Variants in CEP78 observed in about 807,000 individuals in gnomAD.
The protein encoded by CEP78 is centrosomal protein of 78 kDa.
In CEP78, 76 loss-of-function variants were observed where a neutral mutation model predicts 81.2. The ratio of observed to expected loss-of-function variants is 0.94; its 90% confidence interval spans 0.78 to 1.13. The LOEUF (loss-of-function observed/expected upper bound fraction) is 1.13. Among genes scored for constraint, CEP78 ranks in the 50% most tolerant of loss-of-function variants. The probability of loss-of-function intolerance (pLI) is 0.00; values close to 1 mark genes in which losing one functional copy is unlikely to be tolerated. For synonymous variants in CEP78, 293 were observed against 301.4 expected, an observed-to-expected ratio of 0.97 and a Z score of 0.29; for missense variants, 918 against 846.8, an observed-to-expected ratio of 1.08 and a Z score of -1.04.
chr9:78,270,807 A>C (rs1218488583), intron 16 of CEP78, 34 bp from the exon 17 acceptor site: 1 of 674,276 alleles, frequency 1.5e-6, no homozygotes, highest in Non-Finnish European at 2.7e-6. Context: ...GAACATTAAC[A>C]TGGATGACTG....
chr9:78,267,209 GC>G, intron 16 of CEP78: 1 of 440,738 alleles, frequency 2.3e-6, no homozygotes, highest in Non-Finnish European at 4.2e-6. Context: ...TTACTGAGGG[GC>G]TAGTATGTAT....
Position 78,236,129 on chromosome 9 carries a change from C to CGCAGGGCGGGAG in CEP78, c.-217_-206dup. 1 of 543,682 alleles carries CGCAGGGCGGGAG rather than the reference C, an allele frequency of 1.8e-6. No individual in the cohort carries two copies. The highest frequency in any genetic ancestry group is 3.7e-5 in the Admixed American group (1 of 26,834). The allele number at this position is 543,682 out of a possible 1,614,324, so 33.7% of individuals were successfully genotyped here. A position where few individuals can be genotyped will look rare whatever the true frequency, so the allele number is the denominator to read the frequency against. On this transcript the variant is annotated 5_prime_UTR_variant, in exon 1 of 17. Coordinates refer to ENST00000643273, the MANE Select transcript of CEP78 (RefSeq NM_001330691.3). ...TGAGGCGGGCGCCAACTGCTTGGGC[C>CGCAGGGCGGGAG]GCAGGGCGGGAGGCAGCGCGGGAGT...
intron 11 of CEP78, among the ~76,000 whole-genome samples, chr9:78,257,395 T>C (rs1209800332): frequency 6.6e-6 from 1 of 152,214 alleles, no homozygotes; most frequent in Non-Finnish European, 1.5e-5. Flanking sequence ...CCTCCTGCGC[T>C]ATACTTTTTC....
Position 78,252,060 on chromosome 9 carries a change from T to C in CEP78, c.1205+17T>C. On this transcript the variant is annotated intron_variant, in intron 9 of 16. Transcript: ENST00000643273. ...AAGACACAGGTAGGGTATTTTTATT[T>C]CCTATCTTTTAGGATAAAAATGGGA... 1 of 1,558,038 alleles carries C rather than the reference T, an allele frequency of 6.4e-7. No homozygotes were observed.
intron 11 of CEP78, among the ~76,000 whole-genome samples, chr9:78,257,755 C>A (rs999683769): frequency 6.6e-6 from 1 of 152,180 alleles, no homozygotes; most frequent in African/African-American, 2.4e-5. Flanking sequence ...GCTTGTCCGC[C>A]CTTTTCAGTG....
At chr9:78,259,163 A>G (rs867387014) in intron 11 of CEP78, among the ~76,000 whole-genome samples, 4 of 152,270 alleles carry the variant, frequency 2.6e-5, no homozygotes, top group East Asian at 3.8e-4. Context: ...CAAGAGCTAC[A>G]GGCAACAACA....
At chr9:78,239,306 C>G (rs1279775480) in intron 1 of CEP78, among the ~76,000 whole-genome samples, 3 of 152,108 alleles carry the variant, frequency 2.0e-5, no homozygotes, top group Non-Finnish European at 4.4e-5. Context: ...GTTCATCTGC[C>G]TACTTTGGTT....
At chr9:78,252,275 C>T (rs1384638677) in intron 9 of CEP78, among the ~76,000 whole-genome samples, 1 of 152,108 alleles carries the variant, frequency 6.6e-6, no homozygotes, top group Non-Finnish European at 1.5e-5. Flanking sequence ...CCAGAGGAAA[C>T]TGAAATTATC....
At chr9:78,243,765 G>T (rs1427652301) in intron 5 of CEP78, 129 bp downstream of exon 5, 4 of 586,780 alleles carry the variant, frequency 6.8e-6, no homozygotes, top group Admixed American at 7.9e-5. Flanking sequence ...GTTTTATTTT[G>T]TTTTTAAGCC....
chr9:78,265,585 A>G (rs374689361), intron 14 of CEP78, 42 bp downstream of exon 14: 3 of 1,497,126 alleles, frequency 2.0e-6, no homozygotes, highest in Non-Finnish European at 2.7e-6. Context: ...ACAAGTGATT[A>G]GCAAAAAAGG....
At chr9:78,243,915 T>C (rs1826356498) in intron 5 of CEP78, among the ~76,000 whole-genome samples, 1 of 151,954 alleles carries the variant, frequency 6.6e-6, no homozygotes, top group South Asian at 2.1e-4. Context: ...GCAGATACAT[T>C]TGTGTGCTTA....
In CEP78 at chr9:78,278,355, C is replaced by T. The variant is rs1246305492; in HGVS notation, c.*7504C>T. 2 of 152,132 alleles carry T rather than the reference C, an allele frequency of 1.3e-5. No homozygotes were observed. Among genetic ancestry groups the T allele is most frequent in the African/African-American group, 4.8e-5 (2 of 41,416 alleles). The allele number at this position is 152,132 out of a possible 1,614,324, so 9.4% of individuals were successfully genotyped here. Reference sequence around the variant, plus strand: ...CTTTGTATTCCTGAAGTGTTGGAGTCGCCTACATGGCATAGTCAAATGTTT... The same window carrying T: ...CTTTGTATTCCTGAAGTGTTGGAGTTGCCTACATGGCATAGTCAAATGTTT... On this transcript the variant is annotated 3_prime_UTR_variant, in exon 17 of 17. Coordinates refer to ENST00000643273, the MANE Select transcript of CEP78 (RefSeq NM_001330691.3).
Position 78,278,207 on chromosome 9 carries a change from T to C in CEP78, c.*7356T>C, listed in dbSNP as rs1216524664. 1 of 152,232 alleles carries C rather than the reference T, an allele frequency of 6.6e-6. No homozygotes were observed. Among genetic ancestry groups the C allele is most frequent in the African/African-American group, 2.4e-5 (1 of 41,466 alleles). 9.4% of individuals were successfully genotyped at this position (152,232 alleles called of 1,614,324 possible). On this transcript the variant is annotated 3_prime_UTR_variant, in exon 17 of 17. Transcript: ENST00000643273. Reference sequence around the variant, plus strand: ...CAATTTTTAAAATTCCTTTTCATCATAGAAAATGAAAATGTGTACTCTGTT... The same window carrying C: ...CAATTTTTAAAATTCCTTTTCATCACAGAAAATGAAAATGTGTACTCTGTT...
intron 16 of CEP78, among the ~76,000 whole-genome samples, chr9:78,268,839 G>A (rs897580419): frequency 4.0e-5 from 6 of 151,884 alleles, no homozygotes; most frequent in Non-Finnish European, 7.4e-5. Flanking sequence ...TGTATTTTTC[G>A]TAGAGACGGG....
rs775722739 is a variant in CEP78, at chr9:78,267,122, C to A, written c.2107+419C>A. The A allele has an allele frequency of 4.1e-6, 4 of 965,346 alleles. No homozygotes were observed. In the African/African-American group the frequency reaches 5.0e-5, roughly 12 times the overall value. 59.8% of individuals were successfully genotyped at this position (965,346 alleles called of 1,614,324 possible). On this transcript the variant is annotated intron_variant, in intron 16 of 16. Transcript: ENST00000643273. ...ATTGGAAGCCACTAAAGGAAGATTT[C>A]TCTATACTTTTTATTATAGTGAAAT...
chr9:78,244,496 T>G (rs1826389740), intron 5 of CEP78, among the ~76,000 whole-genome samples: 1 of 152,216 alleles, frequency 6.6e-6, no homozygotes, highest in Non-Finnish European at 1.5e-5. Context: ...TTAAAGACTT[T>G]TGATGCATGT....
At chr9:78,262,594 A>T (rs1170786130) in intron 11 of CEP78, among the ~76,000 whole-genome samples, 1 of 152,174 alleles carries the variant, frequency 6.6e-6, no homozygotes, top group Non-Finnish European at 1.5e-5. Flanking sequence ...ATCCACAAAT[A>T]AGAATAGAAT....
In CEP78 at chr9:78,271,390, A is replaced by G. The variant is rs1229940942; in HGVS notation, c.*539A>G. On this transcript the variant is annotated 3_prime_UTR_variant, in exon 17 of 17. Transcript: ENST00000643273. ...CCTGTTCAAGAAGATAGTTACTAGG[A>G]GAAACATGAAATTTTTAAATTAATG... is the stretch of plus-strand genomic sequence containing the variant. The G allele has an allele frequency of 6.6e-6, 1 of 152,238 alleles. No homozygotes were observed. The highest frequency in any genetic ancestry group is 1.5e-5 in the Non-Finnish European group (1 of 68,044). 9.4% of individuals were successfully genotyped at this position (152,238 alleles called of 1,614,324 possible).
Position 78,275,209 on chromosome 9 carries a change from T to C in CEP78, c.*4358T>C, listed in dbSNP as rs1290827808. 6.6e-6 allele frequency: 1 copy of C among 152,182 alleles called. No homozygotes were observed. The highest frequency in any genetic ancestry group is 2.4e-5 in the African/African-American group (1 of 41,436). 9.4% of individuals were successfully genotyped at this position (152,182 alleles called of 1,614,324 possible). A position where few individuals can be genotyped will look rare whatever the true frequency, so the allele number is the denominator to read the frequency against. On this transcript the variant is annotated 3_prime_UTR_variant, in exon 17 of 17. Coordinates refer to ENST00000643273, the MANE Select transcript of CEP78 (RefSeq NM_001330691.3). The stretch of plus-strand genomic sequence containing the variant: ...AATAAATTTGAAAGACTAGATGAAA[T>C]GTGACTGTTTAAAAATATGGATTGT...
Sources: gnomAD v4.1 joint callset for allele counts (sites outside exome capture counted in the v4.1 genomes callset) on GRCh38, gnomAD v4.1.1 for gene constraint, MANE v1.5 for transcripts, NCBI Gene and HGNC (gene_info 2026-07-23, HGNC 2026-07-21) for gene names.